The following IGSF21 variants were observed in gnomAD, a reference collection of about 807,000 sequenced individuals.
IGSF21 encodes immunoglobulin superfamily member 21.
A neutral mutation model predicts 46.8 loss-of-function variants in IGSF21; 28 were observed. That is an observed-to-expected ratio of 0.60 (90% CI 0.44 to 0.82). The LOEUF is 0.82. IGSF21 is among the 40% of genes least tolerant of loss of function. IGSF21 has a pLI of 0.00. For missense variants in IGSF21, 624 were observed against 665.5 expected, an observed-to-expected ratio of 0.94 and a Z score of 0.69; for synonymous variants, 284 against 273.6, an observed-to-expected ratio of 1.04 and a Z score of -0.38.
intron 2 of IGSF21, among the ~76,000 whole-genome samples, chr1:18,287,063 C>T (rs2085218754): frequency 1.3e-5 from 2 of 151,022 alleles, no homozygotes; most frequent in Admixed American, 1.3e-4. Flanking sequence ...CACCTGTAGT[C>T]CCAGCTACTT....
chr1:18,226,604 G>A (rs995088933), intron 1 of IGSF21, among the ~76,000 whole-genome samples: 1 of 152,202 alleles, frequency 6.6e-6, no homozygotes, highest in Non-Finnish European at 1.5e-5. Context: ...CTTGGACCGT[G>A]CAGGTCCGCT....
intron 3 of IGSF21, among the ~76,000 whole-genome samples, chr1:18,310,048 C>T (rs1331021495): frequency 2.0e-5 from 3 of 152,202 alleles, no homozygotes; most frequent in Admixed American, 2.0e-4. Flanking sequence ...TAAAGATCCC[C>T]AGTCCCGCCT....
At chr1:18,363,313 G>T (rs2086122943) in intron 5 of IGSF21, among the ~76,000 whole-genome samples, 1 of 152,184 alleles carries the variant, frequency 6.6e-6, no homozygotes, top group Non-Finnish European at 1.5e-5. Context: ...CCTCATTCCA[G>T]ACCCAATTGT....
At chr1:18,164,324 C>T (rs2086657214) in intron 1 of IGSF21, among the ~76,000 whole-genome samples, 1 of 152,014 alleles carries the variant, frequency 6.6e-6, no homozygotes, top group African/African-American at 2.4e-5. Context: ...CCCTCTCTTC[C>T]TTCCTTCTGA....
rs1438621577 is a variant in IGSF21 at position 18,136,534 on chromosome 1, C to G, written c.70+28336C>G. ...ATAGGGAATCCTTTCCCCATTTCTT[C>G]TTTTTGTCAGGTTTGTCAAAGATCA... On this transcript the variant is annotated intron_variant, in intron 1 of 9. Transcript: ENST00000251296. 2.0e-5 allele frequency among the ~76,000 whole-genome samples: 3 copies of G among 152,208 alleles called. No homozygotes were observed. In the East Asian group the frequency reaches 5.8e-4, roughly 29 times the overall value.
At chr1:18,376,491 C>T in intron 7 of IGSF21, 96 bp downstream of exon 7, 1 of 937,442 alleles carries the variant, frequency 1.1e-6, no homozygotes, top group Non-Finnish European at 1.8e-6. Flanking sequence ...AACACTCTTC[C>T]TTTGATCCCC....
chr1:18,139,241 T>C (rs2086393167), intron 1 of IGSF21, among the ~76,000 whole-genome samples: 1 of 152,206 alleles, frequency 6.6e-6, no homozygotes, highest in East Asian at 1.9e-4. Flanking sequence ...CCCTTCCCAC[T>C]GGGAGTGCTG....
rs78609582 is a variant in IGSF21 at position 18,284,226 on chromosome 1, C to T, written c.184-7640C>T. 6.6e-3 allele frequency among the ~76,000 whole-genome samples: 1,011 copies of T among 152,304 alleles called. 9 individuals carry two copies. Among genetic ancestry groups the T allele is most frequent in the Non-Finnish European group, 9.7e-3 (660 of 68,032 alleles). The stretch of plus-strand genomic sequence containing the variant: ...CATCTTTGTGCCCAGCCTTGCAGGG[C>T]GCTTTCTAGGCATACTTTCTGAGTG... On this transcript the variant is annotated intron_variant, in intron 2 of 9. Transcript: ENST00000251296.
At chr1:18,264,938 C>T (rs223202) in intron 2 of IGSF21, among the ~76,000 whole-genome samples, 61,813 of 152,034 alleles carry the variant, frequency 0.41, 13,775 homozygotes, top group African/African-American at 0.59. Flanking sequence ...GCCACCACAC[C>T]GTGCCATCCC....
intron 2 of IGSF21, among the ~76,000 whole-genome samples, chr1:18,253,929 T>C (rs2084866093): frequency 6.6e-6 from 1 of 152,194 alleles, no homozygotes; most frequent in Admixed American, 6.5e-5. Flanking sequence ...AAGTGGGGGC[T>C]TCTCAGGCAG....
chr1:18,141,211 G>A (rs1010931812), intron 1 of IGSF21, among the ~76,000 whole-genome samples: 1 of 152,178 alleles, frequency 6.6e-6, no homozygotes, highest in Non-Finnish European at 1.5e-5. Flanking sequence ...TCATCTAGTC[G>A]GGAGGAAGAC....
intron 2 of IGSF21, among the ~76,000 whole-genome samples, chr1:18,285,514 G>A (rs897114915): frequency 9.2e-5 from 14 of 152,204 alleles, no homozygotes; most frequent in African/African-American, 2.7e-4. Flanking sequence ...GGGCAGCAAA[G>A]AGTCCTCAGT....
At position 18,220,744 on chromosome 1, in the gene IGSF21, C is replaced by T. The variant is rs540201285; in HGVS notation, c.71-7154C>T. Among the ~76,000 whole-genome samples, 8 of 152,152 alleles carry T rather than the reference C, an allele frequency of 5.3e-5. 1 individual carries two copies. In the South Asian group the frequency reaches 1.7e-3, roughly 32 times the overall value. On this transcript the variant is annotated intron_variant, in intron 1 of 9. Transcript: ENST00000251296. The stretch of plus-strand genomic sequence containing the variant: ...CATTTTTGTGAATCCTTGAAGGATG[C>T]CCAGGAAATATCCAAGTTACCCAAG...
intron 6 of IGSF21, chr1:18,375,947 C>T (rs2086276327): frequency 4.6e-6 from 1 of 217,042 alleles, no homozygotes; most frequent in African/African-American, 2.2e-5. Context: ...AGGTACGTTT[C>T]CCTCCCTGAC....
intron 1 of IGSF21, among the ~76,000 whole-genome samples, chr1:18,128,740 G>T (rs1296996152): frequency 6.6e-6 from 1 of 152,146 alleles, no homozygotes; most frequent in Non-Finnish European, 1.5e-5. Context: ...GAGGAGCTGG[G>T]ATTTGACTCC....
intron 2 of IGSF21, among the ~76,000 whole-genome samples, chr1:18,250,599 T>G (rs1350074328): frequency 6.6e-6 from 1 of 152,108 alleles, no homozygotes; most frequent in Non-Finnish European, 1.5e-5. Flanking sequence ...AATTATAAAC[T>G]AGAAAGAGGA....
At chr1:18,133,337 T>C (rs752190505) in intron 1 of IGSF21, among the ~76,000 whole-genome samples, 1 of 152,220 alleles carries the variant, frequency 6.6e-6, no homozygotes, top group Non-Finnish European at 1.5e-5. Context: ...ACGGCTTCCC[T>C]GATTCCAATT....
chr1:18,147,438 C>T (rs1276807561), intron 1 of IGSF21, among the ~76,000 whole-genome samples: 3 of 152,052 alleles, frequency 2.0e-5, no homozygotes, highest in Non-Finnish European at 4.4e-5. Context: ...TGGGATGATC[C>T]TAAGACTACA....
intron 2 of IGSF21, among the ~76,000 whole-genome samples, chr1:18,233,115 T>C (rs928114287): frequency 3.3e-5 from 5 of 152,172 alleles, no homozygotes; most frequent in Non-Finnish European, 7.3e-5. Flanking sequence ...CTTTGTTTTC[T>C]CTCCTTCTTT....
Sources: allele counts gnomAD v4.1 joint callset (sites outside exome capture counted in the v4.1 genomes callset), GRCh38; gene constraint gnomAD v4.1.1; transcripts MANE v1.5; gene names NCBI Gene and HGNC (gene_info 2026-07-23, HGNC 2026-07-21).